Variants in MKI67 observed in about 807,000 individuals in gnomAD.
MKI67 encodes the protein proliferation marker protein Ki-67.
A neutral mutation model predicts 233.5 loss-of-function variants in MKI67; 152 were observed. The observed-to-expected ratio is 0.65, with a 90% confidence interval of 0.57 to 0.74. The LOEUF is 0.74. MKI67 is among the 30% of genes least tolerant of loss of function. MKI67 has a pLI of 0.00. For synonymous variants in MKI67, 1,465 were observed against 1,418.5 expected, an observed-to-expected ratio of 1.03 and a Z score of -0.74; for missense variants, 3,940 against 3,885.2, an observed-to-expected ratio of 1.01 and a Z score of -0.37.
chr10:128,107,124 C>G lies in MKI67; in HGVS notation c.4716G>C (p.Lys1572Asn). The G allele has an allele frequency of 6.2e-7, 1 of 1,612,990 alleles. No homozygotes were observed. The highest frequency in any genetic ancestry group is 8.5e-7 in the Non-Finnish European group (1 of 1,179,738). ...TTTCCTTAGGAGTTTGTAGCCGTCT[C>G]TTGCTGCCAGTTAAGTTCTCTGTCA... Reference protein sequence around the residue: ...LDLTENLTGSKRRLQTPKEKA... With the variant: ...LDLTENLTGSNRRLQTPKEKA... The change falls in exon 13 of 15, where the codon AAG becomes AAC. Residue 1572 changes from lysine (K) to asparagine (N), a missense_variant. By Grantham distance (94) the Lys-to-Asn change is moderately conservative. Transcript: ENST00000368654.
In MKI67 at chr10:128,112,462, G is replaced by A. The variant is rs1364186802; in HGVS notation, c.1657-17C>T. On this transcript the variant is annotated splice_polypyrimidine_tract_variant and intron_variant, in intron 8 of 14. Coordinates refer to ENST00000368654, the MANE Select transcript of MKI67 (RefSeq NM_002417.5). ...AGGCTGTTCCTGACAAGACAAAATT[G>A]TTTACAAGAAGCCTTAACAAGGATC... The A allele has an allele frequency of 1.2e-6, 2 of 1,609,918 alleles. No individual in the cohort carries two copies. The highest frequency in any genetic ancestry group is 2.7e-5 in the African/African-American group (2 of 74,666).
In MKI67 at chr10:128,112,209, G is replaced by C; in HGVS notation, c.1893C>G (p.Ile631Met). ...SGNLPSKRVSISRSQHDILQM... is the reference protein window; with the variant it reads ...SGNLPSKRVSMSRSQHDILQM... Reference sequence around the variant, plus strand: ...GTAAAATATCATGTTGACTTCGGCTGATAGACACTCTCTTTGAAGGCAGGT... The same window carrying C: ...GTAAAATATCATGTTGACTTCGGCTCATAGACACTCTCTTTGAAGGCAGGT... Residue 631 changes from isoleucine (I) to methionine (M), a missense_variant, in exon 9 of 15, where the codon ATC becomes ATG. By Grantham distance (10) the Ile-to-Met change is conservative. Coordinates refer to ENST00000368654, the MANE Select transcript of MKI67 (RefSeq NM_002417.5). 1.9e-6 allele frequency: 3 copies of C among 1,614,214 alleles called. No homozygotes were observed. The highest frequency in any genetic ancestry group is 2.5e-6 in the Non-Finnish European group (3 of 1,180,034).
chr10:128,120,278 AC>A, intron 4 of MKI67, among the ~76,000 whole-genome samples: 1 of 152,116 alleles, frequency 6.6e-6, no homozygotes, highest in Non-Finnish European at 1.5e-5. Context: ...ATCACTTGAG[AC>A]CAAGAGTTCA....
chr10:128,108,981 A>T lies in MKI67; in HGVS notation c.2859T>A (p.Thr953=). Reference sequence around the variant, plus strand: ...ACATTGGTGCACATTTCTGCCCCCAAGTTCTTGATCTCTTCATTGCTTTCA... The same window carrying T: ...ACATTGGTGCACATTTCTGCCCCCATGTTCTTGATCTCTTCATTGCTTTCA... ...EKMKAMKRSR[T]WGQKCAPMSD... Residue 953 remains threonine, a synonymous_variant, in exon 13 of 15, where the codon ACT becomes ACA. Transcript: ENST00000368654. 4 of 1,614,148 alleles carry T rather than the reference A, an allele frequency of 2.5e-6. No homozygotes were observed. Among genetic ancestry groups the T allele is most frequent in the Non-Finnish European group, 3.4e-6 (4 of 1,180,028 alleles).
In MKI67 at chr10:128,107,606, G is replaced by C. The variant is rs751955967; in HGVS notation, c.4234C>G (p.Gln1412Glu). 28 of 1,614,014 alleles carry C rather than the reference G, an allele frequency of 1.7e-5. No individual in the cohort carries two copies. In the East Asian group the frequency reaches 6.2e-4, roughly 36 times the overall value. Residue 1412 changes from glutamine to glutamate, a missense_variant, in exon 13 of 15, where the codon CAG (glutamine) becomes GAG (glutamate). By Grantham distance (29) the Gln-to-Glu change is conservative. Coordinates refer to ENST00000368654, the MANE Select transcript of MKI67 (RefSeq NM_002417.5). ...KELSALKKLTQTSGETTHTDK... is the reference protein window; with the variant it reads ...KELSALKKLTETSGETTHTDK... ...GTGTGTGTGGTTTCCCCTGATGTCTGTGTGAGCTTCTTCAGGGCTGAGAGC... is the reference window on the plus strand; with the variant it reads ...GTGTGTGTGGTTTCCCCTGATGTCTCTGTGAGCTTCTTCAGGGCTGAGAGC...
chr10:128,102,543 G>A, intron 13 of MKI67, 36 bp downstream of exon 13: 7 of 1,596,182 alleles, frequency 4.4e-6, no homozygotes, highest in South Asian at 1.1e-5. Flanking sequence ...AACTATCCAA[G>A]ACGATATTGA....
rs571302493 is a variant in MKI67, at chr10:128,101,291, C to G, written c.9672G>C (p.Arg3224=). Reference sequence around the variant, plus strand: ...GATTTTCTGCACACCTCTTGACACTCCGCGTTACTCTCTGCACAGATTTGC... The same window carrying G: ...GATTTTCTGCACACCTCTTGACACTGCGCGTTACTCTCTGCACAGATTTGC... The part of the protein sequence containing the change: ...LESKSVQRVT[R]SVKRCAENPK... The change falls in exon 14 of 15, where the codon CGG becomes CGC. Residue 3224 remains arginine, a synonymous_variant. Transcript: ENST00000368654. The G allele has an allele frequency of 6.2e-7, 1 of 1,614,202 alleles. No homozygotes were observed. The highest frequency in any genetic ancestry group is 2.2e-5 in the East Asian group (1 of 44,884).
chr10:128,105,613 A>T lies in MKI67; in HGVS notation c.6227T>A (p.Leu2076Gln). The T allele has an allele frequency of 6.2e-7, 1 of 1,613,936 alleles. No homozygotes were observed. The highest frequency in any genetic ancestry group is 8.5e-7 in the Non-Finnish European group (1 of 1,179,994). The change falls in exon 13 of 15, where the codon CTG (leucine) becomes CAG (glutamine). Residue 2076 changes from leucine (L) to glutamine (Q), a missense_variant. Leu to Gln is a moderately radical substitution (Grantham distance 113). Transcript: ENST00000368654. ...CTGGAAGAGCTCTTTGAAGCCGGCC[A>T]GGTCTTCTAGTGATTGGGCCTCTTC... ...PKEEAQSLED[L>Q]AGFKELFQTP... is the part of the protein sequence containing the mutation.
At position 128,107,900 on chromosome 10, in the gene MKI67, C is replaced by T; in HGVS notation, c.3940G>A (p.Gly1314Arg). 6.2e-7 allele frequency: 1 copy of T among 1,613,296 alleles called. No homozygotes were observed. The highest frequency in any genetic ancestry group is 8.5e-7 in the Non-Finnish European group (1 of 1,179,896). The change falls in exon 13 of 15, where the codon GGA (glycine) becomes AGA (arginine). Residue 1314 changes from glycine to arginine, a missense_variant. By Grantham distance (125) the Gly-to-Arg change is moderately radical. Coordinates refer to ENST00000368654, the MANE Select transcript of MKI67 (RefSeq NM_002417.5). ...GEEKDIIIFV[G>R]TPVQKLDLTE... ...AGGTCCAGTTTCTGCACTGGAGTTCCCACAAATATGATGATGTCTTTCTCT... is the reference window on the plus strand; with the variant it reads ...AGGTCCAGTTTCTGCACTGGAGTTCTCACAAATATGATGATGTCTTTCTCT...
rs1021976882 is a variant in MKI67, at chr10:128,125,474, C to T, written c.92+102G>A. 3.4e-6 allele frequency: 3 copies of T among 878,656 alleles called. No homozygotes were observed. The highest frequency in any genetic ancestry group is 2.0e-5 in the Admixed American group (1 of 49,362). The allele number at this position is 878,656 out of a possible 1,614,324, so 54.4% of individuals were successfully genotyped here. On this transcript the variant is annotated intron_variant, in intron 2 of 14. Transcript: ENST00000368654. This position sits in a 1 kb window ranked among gnomAD's most constrained non-coding sequence, Gnocchi z 5.3. ...TGGGAGAAGCACCAAGGAAAAGTGACGGCAGGACCCAATCCTAGAGCGCGT... is the reference window on the plus strand; with the variant it reads ...TGGGAGAAGCACCAAGGAAAAGTGATGGCAGGACCCAATCCTAGAGCGCGT...
In MKI67 at chr10:128,101,285, G is replaced by C. The variant is rs750139963; in HGVS notation, c.9678C>G (p.Val3226=). Residue 3226 remains valine, a synonymous_variant, in exon 14 of 15, where the codon GTC becomes GTG. Transcript: ENST00000368654. ...TCTTTGGATTTTCTGCACACCTCTT[G>C]ACACTCCGCGTTACTCTCTGCACAG... The part of the protein sequence containing the change: ...SKSVQRVTRS[V]KRCAENPKKA... The C allele has an allele frequency of 6.8e-6, 11 of 1,614,124 alleles. No homozygotes were observed. The East Asian group carries it at 2.2e-4, about 33-fold the overall frequency.
At chr10:128,120,348 C>T (rs753179910) in intron 4 of MKI67, among the ~76,000 whole-genome samples, 10 of 151,874 alleles carry the variant, frequency 6.6e-5, no homozygotes, top group Admixed American at 5.9e-4. Context: ...AAAAATTAGC[C>T]GGGTGTTGTG....
Position 128,115,121 on chromosome 10 carries a change from A to C in MKI67, c.1287T>G (p.Asp429Glu), listed in dbSNP as rs753196837. The C allele has an allele frequency of 6.8e-5, 110 of 1,614,096 alleles. No individual in the cohort carries two copies. The highest frequency in any genetic ancestry group is 8.9e-5 in the Non-Finnish European group (105 of 1,180,042). ...SSKTRGSIPT[D>E]VEVLPTETEI... ...CAGTTTCCGTAGGCAGAACTTCCAC[A>C]TCTGTAGGAATACTTCCTCTGGTTT... is the stretch of plus-strand genomic sequence containing the variant. Residue 429 changes from aspartate (D) to glutamate (E), a missense_variant, in exon 7 of 15, where the codon GAT becomes GAG. Asp to Glu is a conservative substitution (Grantham distance 45, BLOSUM62 2). Transcript: ENST00000368654.
chr10:128,104,097 G>A lies in MKI67; in HGVS notation c.7743C>T (p.Asn2581=), dbSNP rs1384172580. 1.9e-6 allele frequency: 3 copies of A among 1,613,912 alleles called. No individual in the cohort carries two copies. The highest frequency in any genetic ancestry group is 1.3e-5 in the African/African-American group (1 of 74,876). Residue 2581 remains asparagine, a synonymous_variant, in exon 13 of 15, where the codon AAC becomes AAT. Transcript: ENST00000368654. ...HTEESMTIDK[N]TKIPCKSPPP... is the part of the protein sequence containing the mutation. ...GGGGAGATTTGCAGGGAATTTTTGT[G>A]TTTTTGTCAATAGTCATTGACTCTT...
rs1321859300 is a variant in MKI67 at position 128,096,700 on chromosome 10, G to A, written c.*2490C>T. 6.6e-6 allele frequency: 1 copy of A among 152,218 alleles called. No individual in the cohort carries two copies. Among genetic ancestry groups the A allele is most frequent in the East Asian group, 1.9e-4 (1 of 5,196 alleles). 9.4% of individuals were successfully genotyped at this position (152,218 alleles called of 1,614,324 possible). A position where few individuals can be genotyped will look rare whatever the true frequency, so the allele number is the denominator to read the frequency against. On this transcript the variant is annotated 3_prime_UTR_variant, in exon 15 of 15. Transcript: ENST00000368654. ...TCACATACTTTATTGGACATCTCCT[G>A]TGGCTGGTCACTGGGATAGAGTAAC...
rs1662950437 is a variant in MKI67 at position 128,107,705 on chromosome 10, C to G, written c.4135G>C (p.Glu1379Gln). 1 of 1,613,854 alleles carries G rather than the reference C, an allele frequency of 6.2e-7. No individual in the cohort carries two copies. The highest frequency in any genetic ancestry group is 8.5e-7 in the Non-Finnish European group (1 of 1,180,006). Residue 1379 changes from glutamate to glutamine, a missense_variant, in exon 13 of 15, where the codon GAA becomes CAA. By Grantham distance (29) the Glu-to-Gln change is conservative (BLOSUM62 2). Coordinates refer to ENST00000368654, the MANE Select transcript of MKI67 (RefSeq NM_002417.5). ...GTGCTTGTTGGGGTGTCTGCTGATT[C>G]TGGTGGAGAAGATTCGCAGGGCATT... ...TKMPCESSPPESADTPTSTRR... is the reference protein window; with the variant it reads ...TKMPCESSPPQSADTPTSTRR...
Position 128,116,371 on chromosome 10 carries a change from C to A in MKI67, c.400+120G>T, listed in dbSNP as rs1409272824. 1.7e-5 allele frequency: 15 copies of A among 881,780 alleles called. No individual in the cohort carries two copies. The East Asian group carries it at 3.8e-4, about 22-fold the overall frequency. 54.6% of individuals were successfully genotyped at this position (881,780 alleles called of 1,614,324 possible). A position where few individuals can be genotyped will look rare whatever the true frequency, so the allele number is the denominator to read the frequency against. On this transcript the variant is annotated intron_variant, in intron 6 of 14. Coordinates refer to ENST00000368654, the MANE Select transcript of MKI67 (RefSeq NM_002417.5). ...GTCGTTGACATGTTAAATGACACCT[C>A]CTCCATTTCTGACAGGCTAGACATT...
intron 14 of MKI67, among the ~76,000 whole-genome samples, chr10:128,100,629 T>C (rs1223710072): frequency 6.6e-6 from 1 of 152,250 alleles, no homozygotes; most frequent in African/African-American, 2.4e-5. Flanking sequence ...AGAACACTAA[T>C]GGAATCTAAT....
intron 11 of MKI67, among the ~76,000 whole-genome samples, chr10:128,111,285 C>A (rs1852668942): frequency 6.6e-6 from 1 of 152,230 alleles, no homozygotes; most frequent in South Asian, 2.1e-4. Context: ...TGCTCAACAA[C>A]AACTGGCCCA....
Sources: gnomAD v4.1 joint callset for allele counts (sites outside exome capture counted in the v4.1 genomes callset) on GRCh38, gnomAD v4.1.1 for gene constraint, Gnocchi (gnomAD v3.1) non-coding constraint, MANE v1.5 for transcripts, NCBI Gene and HGNC (gene_info 2026-07-23, HGNC 2026-07-21) for gene names.